Variants in PBX1 observed in about 807,000 individuals in gnomAD.
PBX1 encodes the protein pre-B-cell leukemia transcription factor 1.
Under a neutral mutation model 53.4 loss-of-function variants are expected in PBX1, and 6 were observed. That is an observed-to-expected ratio of 0.11 (90% CI 0.06 to 0.22). PBX1 has a LOEUF of 0.22. PBX1 is among the 10% of genes least tolerant of loss of function. The pLI is 1.00. For synonymous variants in PBX1, 204 were observed against 212.3 expected (o/e 0.96, Z 0.34); for missense variants, 251 against 551.4 (o/e 0.46, Z 5.46).
chr1:164,832,306 C>T (rs1418669945), intron 8 of PBX1, among the ~76,000 whole-genome samples: 2 of 152,160 alleles, frequency 1.3e-5, no homozygotes, highest in Non-Finnish European at 2.9e-5. Flanking sequence ...TGTGTATCCT[C>T]TCAGGGTGGC....
intron 3 of PBX1, among the ~76,000 whole-genome samples, chr1:164,797,059 G>T (rs1429386672): frequency 1.3e-5 from 2 of 152,108 alleles, no homozygotes; most frequent in Admixed American, 1.3e-4. Flanking sequence ...GCTCTCTGTT[G>T]TGTGTTCCTC....
At chr1:164,663,790 G>A (rs1225925654) in intron 2 of PBX1, among the ~76,000 whole-genome samples, 2 of 152,170 alleles carry the variant, frequency 1.3e-5, no homozygotes, top group African/African-American at 4.8e-5. Flanking sequence ...CAATTGCCAG[G>A]TACGTTAGGG....
chr1:164,673,464 A>ATTT (rs1661226137), intron 2 of PBX1, among the ~76,000 whole-genome samples: 2 of 123,072 alleles, frequency 1.6e-5, no homozygotes, highest in Admixed American at 7.7e-5. Context: ...AAAATTACTA[A>ATTT]CTTTTTTTTT....
intron 2 of PBX1, among the ~76,000 whole-genome samples, chr1:164,670,388 C>A (rs562366813): frequency 6.6e-6 from 1 of 152,174 alleles, no homozygotes; most frequent in Non-Finnish European, 1.5e-5. Context: ...CCACTGGAAG[C>A]CTTAACTCAG....
At chr1:164,843,934 C>A (rs528555557) in intron 8 of PBX1, among the ~76,000 whole-genome samples, 73 of 152,124 alleles carry the variant, frequency 4.8e-4, no homozygotes, top group African/African-American at 1.7e-3. Flanking sequence ...TTATTGTTAT[C>A]TTAATGGAAT....
chr1:164,695,189 T>C (rs1662736478), intron 2 of PBX1, among the ~76,000 whole-genome samples: 1 of 152,344 alleles, frequency 6.6e-6, no homozygotes, highest in East Asian at 1.9e-4. Flanking sequence ...AATGTCACTT[T>C]CGCTCACTTG....
intron 4 of PBX1, among the ~76,000 whole-genome samples, chr1:164,801,222 C>T (rs1179758652): frequency 2.0e-5 from 3 of 152,090 alleles, no homozygotes; most frequent in Non-Finnish European, 4.4e-5. Flanking sequence ...TGGAAATAGG[C>T]AAAATCACCC....
At chr1:164,844,749 C>T (rs908593102) in intron 8 of PBX1, among the ~76,000 whole-genome samples, 3 of 152,178 alleles carry the variant, frequency 2.0e-5, no homozygotes, top group African/African-American at 7.2e-5. Flanking sequence ...AATATTATCA[C>T]CCCTATGGCA....
intron 2 of PBX1, among the ~76,000 whole-genome samples, chr1:164,739,422 G>C (rs1047960140): frequency 1.3e-5 from 2 of 152,164 alleles, no homozygotes; most frequent in African/African-American, 4.8e-5. Context: ...ACAGCTTGTG[G>C]TAAGCGAAAT....
intron 2 of PBX1, among the ~76,000 whole-genome samples, chr1:164,632,203 C>T (rs113441576): frequency 6.6e-5 from 10 of 152,116 alleles, no homozygotes; most frequent in Admixed American, 3.3e-4. Context: ...AGGACCTTGC[C>T]GCAGCCTAGG....
chr1:164,699,615 A>G (rs1431835233), intron 2 of PBX1, among the ~76,000 whole-genome samples: 1 of 152,110 alleles, frequency 6.6e-6, no homozygotes, highest in Non-Finnish European at 1.5e-5. Context: ...TATGAAGATG[A>G]AAGGGGGAGG....
rs1388700367 is a variant in PBX1 at position 164,722,049 on chromosome 1, C to G, written c.266-70445C>G. ...TTAAACCCAGTTTTATATCTTACCCCCTGACCGACTCTTTACAGGTCCTGG... is the reference window on the plus strand; with the variant it reads ...TTAAACCCAGTTTTATATCTTACCCGCTGACCGACTCTTTACAGGTCCTGG... On this transcript the variant is annotated intron_variant, in intron 2 of 8. Transcript: ENST00000420696. Among the ~76,000 whole-genome samples, 3 of 152,282 alleles carry G rather than the reference C, an allele frequency of 2.0e-5. No individual in the cohort carries two copies. The East Asian group carries it at 5.8e-4, about 29-fold the overall frequency.
chr1:164,576,072 G>C (rs946288430), intron 2 of PBX1, among the ~76,000 whole-genome samples: 4 of 152,212 alleles, frequency 2.6e-5, no homozygotes, highest in African/African-American at 9.6e-5. Context: ...GTAGAAAAGA[G>C]AAATTGAAGT....
chr1:164,717,059 AC>A (rs2102092932), intron 2 of PBX1, among the ~76,000 whole-genome samples: 1 of 152,332 alleles, frequency 6.6e-6, no homozygotes, highest in East Asian at 1.9e-4. Flanking sequence ...AGAACCAAAT[AC>A]ACGAACGCAG....
intron 2 of PBX1, among the ~76,000 whole-genome samples, chr1:164,565,422 G>GACACACACACACAC (rs36118857): frequency 2.4e-4 from 35 of 146,012 alleles, no homozygotes; most frequent in East Asian, 1.8e-3. Flanking sequence ...TGTGTTAAGG[G>GACACACACACACAC]ACACACACAC....
chr1:164,747,334 T>TATAC (rs938720370), intron 2 of PBX1, among the ~76,000 whole-genome samples: 10 of 151,238 alleles, frequency 6.6e-5, no homozygotes, highest in African/African-American at 2.4e-4. Context: ...TATATATATA[T>TATAC]ACACACACAC....
intron 2 of PBX1, among the ~76,000 whole-genome samples, chr1:164,866,733 T>C (rs894137393): frequency 3.3e-5 from 5 of 152,202 alleles, no homozygotes; most frequent in Non-Finnish European, 5.9e-5. Context: ...TACTTCAATG[T>C]TCCCAAATTA....
At chr1:164,788,883 T>C (rs1373995354) in intron 2 of PBX1, among the ~76,000 whole-genome samples, 1 of 152,138 alleles carries the variant, frequency 6.6e-6, no homozygotes, top group Non-Finnish European at 1.5e-5. Flanking sequence ...ATCTATCTTA[T>C]CAATTTCTAA....
At chr1:164,763,661 A>G (rs1666921224) in intron 2 of PBX1, among the ~76,000 whole-genome samples, 1 of 152,236 alleles carries the variant, frequency 6.6e-6, no homozygotes, top group Non-Finnish European at 1.5e-5. Flanking sequence ...GTCATGTTAT[A>G]CTAGAGAATC....
Sources: gnomAD v4.1 joint callset for allele counts (sites outside exome capture counted in the v4.1 genomes callset) on GRCh38, gnomAD v4.1.1 for gene constraint, MANE v1.5 for transcripts, NCBI Gene and HGNC (gene_info 2026-07-23, HGNC 2026-07-21) for gene names.